The following HIVEP3 variants were observed in gnomAD, a reference collection of about 807,000 sequenced individuals.
HIVEP3 encodes the protein HIVEP zinc finger 3, also known as transcription factor HIVEP3.
In HIVEP3, 49 loss-of-function variants were observed where a neutral mutation model predicts 152.8. The observed-to-expected ratio is 0.32, with a 90% confidence interval of 0.26 to 0.41. HIVEP3 has a LOEUF of 0.41. Ranked by LOEUF, HIVEP3 falls within the 10% of genes least tolerant of loss-of-function variation. The pLI is 1.00. For missense variants in HIVEP3, 2,790 were observed against 3,103.3 expected (o/e 0.90, Z 2.40); for synonymous variants, 1,269 against 1,289.0 (o/e 0.98, Z 0.33).
At chr1:42,017,746 C>T (rs1019699339) in intron 1 of HIVEP3, among the ~76,000 whole-genome samples, 1 of 151,990 alleles carries the variant, frequency 6.6e-6, no homozygotes, top group Non-Finnish European at 1.5e-5. Context: ...TGTCTTCTGG[C>T]AAATATATAT....
At chr1:41,657,013 C>T (rs1645638262) in intron 2 of HIVEP3, among the ~76,000 whole-genome samples, 1 of 152,208 alleles carries the variant, frequency 6.6e-6, no homozygotes, top group Non-Finnish European at 1.5e-5. Context: ...AGAGGAAATA[C>T]AACTTGCACA....
chr1:41,764,073 TAGATGGGAAAAGCAGTCGGATATG>T (rs1014397640), intron 1 of HIVEP3, among the ~76,000 whole-genome samples: 2 of 151,454 alleles, frequency 1.3e-5, no homozygotes, highest in Non-Finnish European at 2.9e-5. Context: ...GTCCCAGCTA[TAGATGGGAAAAGCAGTCGGATATG>T]AGATGGGAAG....
rs754432365 is a variant in HIVEP3 at position 41,511,242 on chromosome 1, A to C, written c.6430T>G (p.Ser2144Ala). The change falls in exon 9 of 9, where the codon TCC becomes GCC. Residue 2144 changes from serine to alanine, a missense_variant. Around this residue, in one of 9 missense-constraint regions of HIVEP3, gnomAD observed 816 missense variants for 806.5 expected, o/e 1.01. Transcript: ENST00000372583. This position sits in a 1 kb window ranked among gnomAD's most constrained non-coding sequence, Gnocchi z 4.9. ...GGATGAGCAGGGCCGGGTGAGCAGG[A>C]GGGACTTCGGGACTCGGCCTTCTGC... ...PWQKAESRSPSCSPGPAHPLS... is the reference protein window; with the variant it reads ...PWQKAESRSPACSPGPAHPLS... 1.9e-6 allele frequency: 3 copies of C among 1,610,028 alleles called. No individual in the cohort carries two copies.
chr1:41,755,783 A>C (rs1319252549), intron 1 of HIVEP3, among the ~76,000 whole-genome samples: 2 of 152,252 alleles, frequency 1.3e-5, no homozygotes, highest in Non-Finnish European at 2.9e-5. Context: ...ATACCCCTAC[A>C]TGGCTATTAA....
At chr1:41,770,293 G>C (rs1648271027) in intron 1 of HIVEP3, among the ~76,000 whole-genome samples, 1 of 152,142 alleles carries the variant, frequency 6.6e-6, no homozygotes, top group African/African-American at 2.4e-5. Flanking sequence ...GGAGAAACAG[G>C]ATATCTGCAT....
intron 2 of HIVEP3, among the ~76,000 whole-genome samples, chr1:41,642,530 T>C (rs1558141413): frequency 6.6e-6 from 1 of 152,208 alleles, no homozygotes; most frequent in Non-Finnish European, 1.5e-5. Context: ...CATTTAAGGA[T>C]TTGATCTCTT....
chr1:41,862,871 T>C (rs949881135), intron 1 of HIVEP3, among the ~76,000 whole-genome samples: 2 of 152,304 alleles, frequency 1.3e-5, no homozygotes, highest in South Asian at 2.1e-4. Flanking sequence ...TTGGCAGATA[T>C]AGACGGAAGA....
intron 1 of HIVEP3, among the ~76,000 whole-genome samples, chr1:41,740,241 C>T (rs1275123548): frequency 6.6e-6 from 1 of 152,244 alleles, no homozygotes; most frequent in East Asian, 1.9e-4. Flanking sequence ...CCCTGCACCC[C>T]TTTTCTCTGA....
chr1:41,717,380 T>C (rs1181222963), intron 1 of HIVEP3, among the ~76,000 whole-genome samples: 1 of 152,200 alleles, frequency 6.6e-6, no homozygotes, highest in Non-Finnish European at 1.5e-5. Flanking sequence ...ACAGACAACA[T>C]TCAAACAAAG....
At chr1:41,673,123 T>TC (rs749262199) in intron 2 of HIVEP3, among the ~76,000 whole-genome samples, 4 of 151,876 alleles carry the variant, frequency 2.6e-5, no homozygotes, top group Non-Finnish European at 5.9e-5. Context: ...CCTTGTCTTC[T>TC]CCCCCACCAA....
rs182171473 is a variant in HIVEP3 at position 41,904,205 on chromosome 1, T to G, written c.-801+14208A>C. On this transcript the variant is annotated intron_variant, in intron 1 of 8. Coordinates refer to ENST00000372583, the MANE Select transcript of HIVEP3 (RefSeq NM_024503.5). ...AGCCACCGTGCCTGGTCCTGACCAT[T>G]TTCTGATTGGCAGCAGCAGGAGGGC... Among the ~76,000 whole-genome samples, 35 of 152,204 alleles carry G rather than the reference T, an allele frequency of 2.3e-4. 1 individual carries two copies. The East Asian group carries it at 6.4e-3, about 28-fold the overall frequency.
intron 1 of HIVEP3, among the ~76,000 whole-genome samples, chr1:41,954,876 A>G (rs1645131470): frequency 6.6e-6 from 1 of 152,102 alleles, no homozygotes; most frequent in African/African-American, 2.4e-5. Flanking sequence ...ATGCACAGAA[A>G]TGGTTCCACA....
Position 41,697,149 on chromosome 1 carries a change from C to G in HIVEP3, c.-721+3767G>C, listed in dbSNP as rs145131710. Among the ~76,000 whole-genome samples, 643 of 152,250 alleles carry G rather than the reference C, an allele frequency of 4.2e-3. 6 individuals carry two copies. Among genetic ancestry groups the G allele is most frequent in the Non-Finnish European group, 6.9e-3 (469 of 68,012 alleles). ...CACTGGAGTTTCCCCAAGCCTTGCC[C>G]CACTTAATTCTGTAGCTGGTTTTAT... On this transcript the variant is annotated intron_variant, in intron 2 of 8. Coordinates refer to ENST00000372583, the MANE Select transcript of HIVEP3 (RefSeq NM_024503.5).
chr1:41,725,442 A>G (rs1646738796), intron 1 of HIVEP3, among the ~76,000 whole-genome samples: 1 of 152,250 alleles, frequency 6.6e-6, no homozygotes, highest in Non-Finnish European at 1.5e-5. Flanking sequence ...CTTCAAGGGC[A>G]TGTGCGGACC....
At chr1:41,699,871 C>G (rs768126941) in intron 2 of HIVEP3, among the ~76,000 whole-genome samples, 7 of 152,054 alleles carry the variant, frequency 4.6e-5, no homozygotes, top group Non-Finnish European at 2.9e-5. Flanking sequence ...TCTCCCTTCC[C>G]TGCTTGTGTA....
At chr1:41,679,420 G>T (rs1242211161) in intron 2 of HIVEP3, among the ~76,000 whole-genome samples, 1 of 152,184 alleles carries the variant, frequency 6.6e-6, no homozygotes, top group Non-Finnish European at 1.5e-5. Context: ...ACATAGAAAG[G>T]ACAGATCCTA....
At chr1:41,798,219 C>T (rs773280566) in intron 1 of HIVEP3, among the ~76,000 whole-genome samples, 25 of 151,194 alleles carry the variant, frequency 1.7e-4, no homozygotes, top group Non-Finnish European at 2.8e-4. Flanking sequence ...AGCACACCAA[C>T]ATGGCACATG....
chr1:41,831,135 A>G (rs1196467576), intron 1 of HIVEP3, among the ~76,000 whole-genome samples: 1 of 152,140 alleles, frequency 6.6e-6, no homozygotes, highest in Admixed American at 6.6e-5. Context: ...ACTGCTCACT[A>G]CTATCTCCAG....
At chr1:41,607,087 G>A (rs1644832274) in intron 3 of HIVEP3, among the ~76,000 whole-genome samples, 1 of 152,016 alleles carries the variant, frequency 6.6e-6, no homozygotes, top group Non-Finnish European at 1.5e-5. Context: ...GCCTCTCAAA[G>A]TGCTGGATTA....
Sources: gnomAD v4.1 joint callset for allele counts (sites outside exome capture counted in the v4.1 genomes callset) on GRCh38, gnomAD v4.1.1 for gene constraint, gnomAD v4.1.1 regional missense constraint, Gnocchi (gnomAD v3.1) non-coding constraint, MANE v1.5 for transcripts, NCBI Gene and HGNC (gene_info 2026-07-23, HGNC 2026-07-21) for gene names.